Variants in APBB1IP observed in about 807,000 individuals in gnomAD.
APBB1IP encodes the protein amyloid beta A4 precursor protein-binding family B member 1-interacting protein.
APBB1IP carries 27 observed loss-of-function variants against 64.9 expected under a neutral mutation model. That is an observed-to-expected ratio of 0.42 (90% CI 0.31 to 0.57). APBB1IP has a LOEUF of 0.57. APBB1IP is among the 20% of genes least tolerant of loss of function. APBB1IP has a pLI of 0.20. For synonymous variants in APBB1IP, 392 were observed against 331.0 expected (o/e 1.18, Z -2.00); for missense variants, 812 against 845.5 (o/e 0.96, Z 0.49).
In APBB1IP at chr10:26,567,320, C is replaced by G. The variant is rs764702458; in HGVS notation, c.1833C>G (p.Ala611=). Residue 611 remains alanine, a synonymous_variant, in exon 15 of 15, where the codon GCC becomes GCG. Transcript: ENST00000376236. ...CGCCGCCGCCCGCGCCCGCGCCCGCCCCCGTCCCCGACTCCGCCAGGCCGC... is the reference window on the plus strand; with the variant it reads ...CGCCGCCGCCCGCGCCCGCGCCCGCGCCCGTCCCCGACTCCGCCAGGCCGC... The part of the protein sequence containing the change: ...PPPPPPAPAP[A]PVPDSARPPP... The G allele has an allele frequency of 1.6e-6, 2 of 1,264,616 alleles. No homozygotes were observed. Among genetic ancestry groups the G allele is most frequent in the East Asian group, 5.6e-5 (1 of 17,750 alleles). 78.3% of individuals were successfully genotyped at this position (1,264,616 alleles called of 1,614,324 possible).
chr10:26,561,364 G>T (rs1836970245), intron 13 of APBB1IP, among the ~76,000 whole-genome samples: 1 of 148,206 alleles, frequency 6.7e-6, no homozygotes, highest in African/African-American at 2.5e-5. Flanking sequence ...CATTGCACCT[G>T]GCCTGTTTTC....
At position 26,557,821 on chromosome 10, in the gene APBB1IP, T is replaced by C. The variant is rs1282812889; in HGVS notation, c.1156-2284T>C. On this transcript the variant is annotated intron_variant, in intron 11 of 14. Coordinates refer to ENST00000376236, the MANE Select transcript of APBB1IP (RefSeq NM_019043.4). ...TAGCAGAGTGACTAGACGCTGCCAG[T>C]CAGATTCCAACTGAAGTTTAAAGAC... 2.6e-5 allele frequency among the ~76,000 whole-genome samples: 4 copies of C among 152,290 alleles called. No individual in the cohort carries two copies. The South Asian group carries it at 6.2e-4, about 24-fold the overall frequency.
intron 8 of APBB1IP, among the ~76,000 whole-genome samples, chr10:26,514,356 T>C (rs1836298418): frequency 6.6e-6 from 1 of 152,226 alleles, no homozygotes; most frequent in Non-Finnish European, 1.5e-5. Context: ...TGTTTGTATT[T>C]GGTGCTTATA....
At chr10:26,480,232 T>C (rs1285912222) in intron 2 of APBB1IP, among the ~76,000 whole-genome samples, 1 of 152,092 alleles carries the variant, frequency 6.6e-6, no homozygotes, top group East Asian at 1.9e-4. Context: ...AAAGTGGAGA[T>C]AGTGCTGGTA....
chr10:26,439,585 C>G (rs971593602), intron 2 of APBB1IP, among the ~76,000 whole-genome samples: 3 of 152,170 alleles, frequency 2.0e-5, no homozygotes, highest in Non-Finnish European at 4.4e-5. Context: ...AGACCTAGCC[C>G]GGTGTACCTC....
chr10:26,557,608 C>T (rs1390570759), intron 11 of APBB1IP, among the ~76,000 whole-genome samples: 1 of 152,192 alleles, frequency 6.6e-6, no homozygotes, highest in Non-Finnish European at 1.5e-5. Context: ...AGTCAGGAGA[C>T]CCCCAGGTTC....
intron 2 of APBB1IP, among the ~76,000 whole-genome samples, chr10:26,439,163 A>G (rs910788641): frequency 2.6e-5 from 4 of 152,174 alleles, no homozygotes; most frequent in Admixed American, 6.5e-5. Flanking sequence ...TGCAAGGTCA[A>G]ACGGGGAACT....
At chr10:26,546,224 T>C (rs549418315) in intron 11 of APBB1IP, among the ~76,000 whole-genome samples, 1 of 152,288 alleles carries the variant, frequency 6.6e-6, no homozygotes, top group East Asian at 1.9e-4. Flanking sequence ...TAGAAACATA[T>C]CAGCACTTAG....
chr10:26,444,263 T>C (rs1243659408), intron 2 of APBB1IP, among the ~76,000 whole-genome samples: 4 of 152,044 alleles, frequency 2.6e-5, no homozygotes, highest in Non-Finnish European at 5.9e-5. Flanking sequence ...TGGAGAAGTA[T>C]GAGAAGGGCG....
intron 2 of APBB1IP, among the ~76,000 whole-genome samples, chr10:26,467,126 G>A (rs540569864): frequency 1.3e-5 from 2 of 151,876 alleles, no homozygotes; most frequent in South Asian, 2.1e-4. Flanking sequence ...GGCTGGTCTC[G>A]AACTCCTGGC....
At chr10:26,460,626 G>A (rs1490151784) in intron 2 of APBB1IP, among the ~76,000 whole-genome samples, 1 of 152,150 alleles carries the variant, frequency 6.6e-6, no homozygotes, top group East Asian at 1.9e-4. Context: ...AGCCATAAAA[G>A]GGAATGAGAT....
At chr10:26,511,092 G>A (rs978236516) in intron 6 of APBB1IP, among the ~76,000 whole-genome samples, 6 of 152,140 alleles carry the variant, frequency 3.9e-5, no homozygotes, top group South Asian at 2.1e-4. Context: ...TGTGATCCCC[G>A]CACTTTGAGA....
chr10:26,562,097 A>G (rs537975496), intron 13 of APBB1IP: 40 of 430,874 alleles, frequency 9.3e-5, no homozygotes, highest in African/African-American at 6.9e-4. Flanking sequence ...TGAATCTCAT[A>G]TAAAGTTTTG....
At chr10:26,498,504 G>T (rs764313580) in intron 4 of APBB1IP, among the ~76,000 whole-genome samples, 20 of 152,068 alleles carry the variant, frequency 1.3e-4, no homozygotes, top group Admixed American at 2.6e-4. Context: ...GCAAGACTCT[G>T]TCAAATAAAT....
intron 8 of APBB1IP, among the ~76,000 whole-genome samples, chr10:26,528,372 C>T (rs1836505168): frequency 6.6e-6 from 1 of 152,136 alleles, no homozygotes; most frequent in African/African-American, 2.4e-5. Context: ...TTGTTCTCCT[C>T]CCTGGAAATC....
intron 2 of APBB1IP, among the ~76,000 whole-genome samples, chr10:26,469,454 C>T (rs10764624): frequency 0.37 from 55,796 of 151,554 alleles, 10,342 homozygotes; most frequent in South Asian, 0.5. Flanking sequence ...TTTCACCATG[C>T]TGGCCAGGCT....
chr10:26,508,947 A>G (rs1836218573), intron 6 of APBB1IP, among the ~76,000 whole-genome samples: 1 of 152,236 alleles, frequency 6.6e-6, no homozygotes, highest in Non-Finnish European at 1.5e-5. Flanking sequence ...ATTCCTAAGC[A>G]GGATTGAGAT....
At chr10:26,557,027 C>A (rs561148178) in intron 11 of APBB1IP, among the ~76,000 whole-genome samples, 1 of 152,070 alleles carries the variant, frequency 6.6e-6, no homozygotes, top group Non-Finnish European at 1.5e-5. Flanking sequence ...TAAGTGTTGG[C>A]TTTAGTATAT....
At position 26,566,945 on chromosome 10, in the gene APBB1IP, TG is replaced by T; in HGVS notation, c.1474-15del. ...AAATTAAAAAAAAAATGAATGCTAC[TG>T]CCACTCGGTTGCAGGATAAGAAGCC... is the stretch of plus-strand genomic sequence containing the variant. On this transcript the variant is annotated splice_polypyrimidine_tract_variant and intron_variant, in intron 14 of 14. Coordinates refer to ENST00000376236, the MANE Select transcript of APBB1IP (RefSeq NM_019043.4). 6.4e-7 allele frequency: 1 copy of T among 1,559,036 alleles called. No homozygotes were observed. The highest frequency in any genetic ancestry group is 1.1e-5 in the South Asian group (1 of 87,282).
Sources: allele counts gnomAD v4.1 joint callset (sites outside exome capture counted in the v4.1 genomes callset), GRCh38; gene constraint gnomAD v4.1.1; transcripts MANE v1.5; gene names NCBI Gene and HGNC (gene_info 2026-07-23, HGNC 2026-07-21).